The following XYLT1 variants were observed in gnomAD, a reference collection of about 807,000 sequenced individuals.
XYLT1 encodes xylosyltransferase 1.
XYLT1 carries 36 observed loss-of-function variants against 91.3 expected under a neutral mutation model. The ratio of observed to expected loss-of-function variants is 0.39; its 90% CI spans 0.30 to 0.52. The LOEUF is 0.52. Ranked by LOEUF, XYLT1 falls within the 20% of genes least tolerant of loss-of-function variation. The probability of loss-of-function intolerance (pLI) is 0.68; values close to 1 mark genes in which losing one functional copy is unlikely to be tolerated. For missense variants in XYLT1, 1,242 were observed against 1,284.5 expected, an observed-to-expected ratio of 0.97 and a Z score of 0.51; for synonymous variants, 588 against 532.0, an observed-to-expected ratio of 1.11 and a Z score of -1.45.
At chr16:17,240,601 T>C (rs761041041) in intron 3 of XYLT1, among the ~76,000 whole-genome samples, 1 of 152,112 alleles carries the variant, frequency 6.6e-6, no homozygotes, top group Non-Finnish European at 1.5e-5. Context: ...TTGCTGCTGG[T>C]TGAAATGTGA....
chr16:17,250,330 A>G (rs2033517361), intron 3 of XYLT1: 1 of 152,254 alleles, frequency 6.6e-6, no homozygotes, highest in African/African-American at 2.4e-5. Context: ...GTGGGTAGAA[A>G]ACAAATCAGA....
intron 3 of XYLT1, among the ~76,000 whole-genome samples, chr16:17,220,503 C>CA (rs745350884): frequency 4.6e-5 from 7 of 152,252 alleles, no homozygotes; most frequent in Middle Eastern, 3.4e-3. Context: ...GACGTAGTCC[C>CA]ACTCTGTCCC....
At chr16:17,267,689 G>A (rs888594590) in intron 2 of XYLT1, among the ~76,000 whole-genome samples, 49 of 152,330 alleles carry the variant, frequency 3.2e-4, no homozygotes, top group Admixed American at 1.3e-3. Flanking sequence ...GATTACAGGC[G>A]TGAGCCACCA....
chr16:17,296,700 C>A (rs1424263728), intron 2 of XYLT1, among the ~76,000 whole-genome samples: 3 of 152,316 alleles, frequency 2.0e-5, no homozygotes, highest in Non-Finnish European at 4.4e-5. Context: ...CTGGCTTACA[C>A]CAAAGACAGA....
rs181415507 is a variant in XYLT1 at position 17,205,761 on chromosome 16, C to T, written c.914-5107G>A. On this transcript the variant is annotated intron_variant, in intron 3 of 11. Transcript: ENST00000261381. ...AAACATCTACAACCGGAATTTCCCT[C>T]TGCAGCGTATGCCCAGACCACAATT... Among the ~76,000 whole-genome samples, 5 of 152,298 alleles carry T rather than the reference C, an allele frequency of 3.3e-5. No individual in the cohort carries two copies. In the East Asian group the frequency reaches 7.7e-4, roughly 24 times the overall value.
At chr16:17,224,362 T>C (rs1231771898) in intron 3 of XYLT1, among the ~76,000 whole-genome samples, 5 of 152,238 alleles carry the variant, frequency 3.3e-5, no homozygotes, top group Admixed American at 2.0e-4. Flanking sequence ...CTGCCTTCTA[T>C]GAAGACCAGG....
At chr16:17,379,139 T>C (rs1342728156) in intron 1 of XYLT1, among the ~76,000 whole-genome samples, 2 of 152,256 alleles carry the variant, frequency 1.3e-5, no homozygotes, top group Non-Finnish European at 2.9e-5. Flanking sequence ...CAGATCTTCC[T>C]GCAGGATGTC....
At chr16:17,296,327 T>C (rs2034310292) in intron 2 of XYLT1, among the ~76,000 whole-genome samples, 2 of 152,184 alleles carry the variant, frequency 1.3e-5, no homozygotes, top group African/African-American at 4.8e-5. Flanking sequence ...CATGTAAAGA[T>C]TGCAGAGATG....
intron 3 of XYLT1, among the ~76,000 whole-genome samples, chr16:17,244,752 C>T (rs2033407703): frequency 1.3e-5 from 2 of 152,166 alleles, no homozygotes; most frequent in South Asian, 4.1e-4. Context: ...AAAAAACTGG[C>T]AACAACCTAA....
At chr16:17,410,112 G>A (rs1051009924) in intron 1 of XYLT1, among the ~76,000 whole-genome samples, 3 of 152,236 alleles carry the variant, frequency 2.0e-5, no homozygotes, top group South Asian at 2.1e-4. Flanking sequence ...ATCCTTGACC[G>A]CTGCTGGCTG....
intron 5 of XYLT1, among the ~76,000 whole-genome samples, chr16:17,166,703 G>A (rs2031692991): frequency 6.8e-6 from 1 of 147,042 alleles, no homozygotes; most frequent in African/African-American, 2.5e-5. Flanking sequence ...GGTATTTTTA[G>A]TAGAGATGGG....
chr16:17,416,086 T>C lies in XYLT1; in HGVS notation c.363+54348A>G, dbSNP rs539324074. ...AGCTCGGCCCTCCCGACAATTTGGG[T>C]TGGATCACTGTTTGCTGTGGCGCTG... On this transcript the variant is annotated intron_variant, in intron 1 of 11. Transcript: ENST00000261381. 1.9e-4 allele frequency among the ~76,000 whole-genome samples: 29 copies of C among 152,282 alleles called. No individual in the cohort carries two copies. The South Asian group carries it at 5.4e-3, about 28-fold the overall frequency.
intron 5 of XYLT1, among the ~76,000 whole-genome samples, chr16:17,191,437 C>A (rs1033426831): frequency 2.0e-5 from 3 of 152,200 alleles, no homozygotes; most frequent in African/African-American, 7.2e-5. Flanking sequence ...TGAACATTAT[C>A]AAGGGCTTGA....
chr16:17,317,458 A>G (rs1317379800), intron 2 of XYLT1, among the ~76,000 whole-genome samples: 2 of 151,272 alleles, frequency 1.3e-5, no homozygotes, highest in African/African-American at 4.9e-5. Flanking sequence ...CAGAGTAGTA[A>G]CTCATCACTA....
chr16:17,443,193 T>C (rs1217162777), intron 1 of XYLT1, among the ~76,000 whole-genome samples: 2 of 152,196 alleles, frequency 1.3e-5, no homozygotes, highest in Non-Finnish European at 1.5e-5. Context: ...GCCTGACAAA[T>C]AGTAAATGCT....
intron 5 of XYLT1, among the ~76,000 whole-genome samples, chr16:17,175,407 T>C (rs1040194494): frequency 2.0e-5 from 3 of 152,150 alleles, no homozygotes; most frequent in African/African-American, 7.2e-5. Context: ...CCCAACATCA[T>C]CATGATGTAC....
At chr16:17,347,226 C>T (rs2035156323) in intron 2 of XYLT1, among the ~76,000 whole-genome samples, 1 of 152,314 alleles carries the variant, frequency 6.6e-6, no homozygotes, top group East Asian at 1.9e-4. Flanking sequence ...GAAGGCCTTG[C>T]TTGCAGGCAG....
chr16:17,129,870 A>ATGCTT (rs1421697121), intron 9 of XYLT1, among the ~76,000 whole-genome samples: 1 of 152,148 alleles, frequency 6.6e-6, no homozygotes, highest in African/African-American at 2.4e-5. Flanking sequence ...CCTTTATCTT[A>ATGCTT]TGCTTTCTTC....
intron 9 of XYLT1, among the ~76,000 whole-genome samples, chr16:17,128,438 GATGATAACTCTA>G (rs1413369243): frequency 1.3e-5 from 2 of 152,136 alleles, no homozygotes; most frequent in African/African-American, 4.8e-5. Flanking sequence ...TCTAGCATTG[GATGATAACTCTA>G]ATTTTTTGCT....
Sources: allele counts gnomAD v4.1 joint callset (sites outside exome capture counted in the v4.1 genomes callset), GRCh38; gene constraint gnomAD v4.1.1; transcripts MANE v1.5; gene names NCBI Gene and HGNC (gene_info 2026-07-23, HGNC 2026-07-21).